The following ADCY3 variants were observed in gnomAD, a reference collection of about 807,000 sequenced individuals.
ADCY3 encodes adenylate cyclase 3.
In ADCY3, 70 loss-of-function variants were observed where a neutral mutation model predicts 119.4. The ratio of observed to expected loss-of-function variants is 0.59; its 90% CI spans 0.48 to 0.72. The LOEUF (loss-of-function observed/expected upper bound fraction) is 0.72, where lower values mean the gene tolerates loss of function less well. Among genes scored for constraint, ADCY3 ranks in the 30% least tolerant of loss-of-function variants. The pLI, the probability that ADCY3 is intolerant of heterozygous loss-of-function variation, is 0.00. For synonymous variants in ADCY3, 672 were observed against 621.4 expected (o/e 1.08, Z -1.21); for missense variants, 1,238 against 1,541.6 (o/e 0.80, Z 3.30).
Position 24,918,164 on chromosome 2 carries a change from A to T in ADCY3, c.675+149T>A. On this transcript the variant is annotated intron_variant, in intron 2 of 21. Transcript: ENST00000679454. The surrounding 1 kb of genome is among the most constrained non-coding windows in gnomAD (Gnocchi z 5.4). ...TCCGGGTAATGGCACAGGGGTGAAAAGGCAGGGACTAGGGAGAGAGGTGAG... is the reference window on the plus strand; with the variant it reads ...TCCGGGTAATGGCACAGGGGTGAAATGGCAGGGACTAGGGAGAGAGGTGAG... 1 of 845,128 alleles carries T rather than the reference A, an allele frequency of 1.2e-6. No homozygotes were observed. Among genetic ancestry groups the T allele is most frequent in the Non-Finnish European group, 1.8e-6 (1 of 553,146 alleles). 52.4% of individuals were successfully genotyped at this position (845,128 alleles called of 1,614,324 possible).
intron 2 of ADCY3, among the ~76,000 whole-genome samples, chr2:24,887,413 C>T (rs930888852): frequency 3.3e-5 from 5 of 152,312 alleles, no homozygotes; most frequent in Admixed American, 6.5e-5. Context: ...GCGAGCTCCA[C>T]GGCTCCTTTC....
rs1668299072 is a variant in ADCY3, at chr2:24,824,393, G to A, written c.2721C>T (p.Ser907=). ...CACCCCTCACCTCATCTCTCTTCTT[G>A]GACCCCAGGAAATGGCGTGCCACGT... ...PEHVARHFLG[S]KKRDEELYSQ... The change falls in exon 17 of 22, where the codon TCC becomes TCT. Residue 907 remains serine, a synonymous_variant. Transcript: ENST00000679454. The A allele has an allele frequency of 6.2e-7, 1 of 1,614,142 alleles. No homozygotes were observed. Among genetic ancestry groups the A allele is most frequent in the Non-Finnish European group, 8.5e-7 (1 of 1,179,998 alleles).
chr2:24,892,517 C>A (rs1362522009), intron 2 of ADCY3, among the ~76,000 whole-genome samples: 3 of 152,202 alleles, frequency 2.0e-5, no homozygotes, highest in South Asian at 4.1e-4. Flanking sequence ...TCCCAAAGTG[C>A]TGGGATTATA....
chr2:24,822,016 A>G (rs1667806355), intron 19 of ADCY3: 2 of 226,270 alleles, frequency 8.8e-6, no homozygotes. Context: ...GTGTTTCTTT[A>G]ACCTCATCCA....
chr2:24,911,657 A>AAC (rs1553367741), intron 2 of ADCY3, among the ~76,000 whole-genome samples: 6 of 138,152 alleles, frequency 4.3e-5, no homozygotes, highest in African/African-American at 1.1e-4. Flanking sequence ...AAAAAAAAAA[A>AAC]ACACACACAC....
At chr2:24,849,082 C>T (rs1026027429) in intron 3 of ADCY3, among the ~76,000 whole-genome samples, 5 of 152,318 alleles carry the variant, frequency 3.3e-5, no homozygotes, top group African/African-American at 9.6e-5. Context: ...GGTTTAAGAA[C>T]GTCACAGCAC....
intron 16 of ADCY3, among the ~76,000 whole-genome samples, chr2:24,825,038 G>A (rs1050826066): frequency 2.0e-5 from 3 of 152,172 alleles, no homozygotes; most frequent in South Asian, 2.1e-4. Context: ...CCCAGCCTCC[G>A]TAATTACAGC....
chr2:24,821,509 G>T lies in ADCY3; in HGVS notation c.3127+8C>A, dbSNP rs762780810. On this transcript the variant is annotated splice_region_variant and intron_variant, in intron 20 of 21. Transcript: ENST00000679454. ...CTGCTGCGGGGCAGGCCAGCTGGGG[G>T]TGCTCACCTATGCGCAGCATGAAGT... is the stretch of plus-strand genomic sequence containing the variant. 1.9e-6 allele frequency: 3 copies of T among 1,613,760 alleles called. No homozygotes were observed. Among genetic ancestry groups the T allele is most frequent in the Non-Finnish European group, 2.5e-6 (3 of 1,179,844 alleles).
At chr2:24,857,156 G>T (rs949347886) in intron 3 of ADCY3, among the ~76,000 whole-genome samples, 8 of 152,216 alleles carry the variant, frequency 5.3e-5, no homozygotes, top group Admixed American at 2.0e-4. Context: ...AGCAGGAGAG[G>T]GGACACCGAA....
chr2:24,917,821 G>A (rs894932575), intron 2 of ADCY3, among the ~76,000 whole-genome samples: 2 of 152,152 alleles, frequency 1.3e-5, no homozygotes, highest in Non-Finnish European at 2.9e-5. Context: ...ATCCTAATGC[G>A]CTTTCCCCCA....
At position 24,919,027 on chromosome 2, in the gene ADCY3, G is replaced by A. The variant is rs1320325971; in HGVS notation, c.-40C>T. ...GCTACTGGCCCTAGAGAAGTGGACTGGGAACGGAGGAAGAGCTCTGGACTG... is the reference window on the plus strand; with the variant it reads ...GCTACTGGCCCTAGAGAAGTGGACTAGGAACGGAGGAAGAGCTCTGGACTG... On this transcript the variant is annotated 5_prime_UTR_variant, in exon 2 of 22. Transcript: ENST00000679454. The surrounding 1 kb of genome is among the most constrained non-coding windows in gnomAD (Gnocchi z 5.5). 1.3e-6 allele frequency: 2 copies of A among 1,503,024 alleles called. No individual in the cohort carries two copies. The highest frequency in any genetic ancestry group is 1.4e-5 in the African/African-American group (1 of 72,346). The allele number at this position is 1,503,024 out of a possible 1,614,324, so 93.1% of individuals were successfully genotyped here.
In ADCY3 at chr2:24,841,396, G is replaced by T; in HGVS notation, c.1069-10C>A. Reference sequence around the variant, plus strand: ...GCAGCTGGTGGTATTTCTGAAAGGGGAGGGCCTGGCCTGTGCTCCAGCCCC... The same window carrying T: ...GCAGCTGGTGGTATTTCTGAAAGGGTAGGGCCTGGCCTGTGCTCCAGCCCC... On this transcript the variant is annotated splice_polypyrimidine_tract_variant and intron_variant, in intron 5 of 21. Transcript: ENST00000679454. This position sits in a 1 kb window ranked among gnomAD's most constrained non-coding sequence, Gnocchi z 5.8. 1.9e-6 allele frequency: 3 copies of T among 1,610,788 alleles called. No homozygotes were observed. The highest frequency in any genetic ancestry group is 8.5e-7 in the Non-Finnish European group (1 of 1,178,798).
At chr2:24,826,920 T>C (rs1428063110) in intron 15 of ADCY3, among the ~76,000 whole-genome samples, 3 of 152,330 alleles carry the variant, frequency 2.0e-5, no homozygotes, top group Non-Finnish European at 4.4e-5. Flanking sequence ...GTACTTGATA[T>C]TGTCAGAGTT....
chr2:24,892,998 C>A (rs979198915), intron 2 of ADCY3, among the ~76,000 whole-genome samples: 1 of 142,360 alleles, frequency 7.0e-6, no homozygotes, highest in African/African-American at 2.6e-5. Context: ...CACAAAATGT[C>A]TTTTTCTATC....
intron 2 of ADCY3, among the ~76,000 whole-genome samples, chr2:24,889,227 C>T (rs1443407218): frequency 6.6e-6 from 1 of 152,192 alleles, no homozygotes; most frequent in Non-Finnish European, 1.5e-5. Context: ...GTTCATGTTT[C>T]TGAGAATGTC....
At chr2:24,873,857 C>T (rs909319837) in intron 2 of ADCY3, among the ~76,000 whole-genome samples, 6 of 152,204 alleles carry the variant, frequency 3.9e-5, no homozygotes, top group Non-Finnish European at 5.9e-5. Flanking sequence ...TGTGGTTTCT[C>T]GGAACCGAGT....
chr2:24,827,856 C>A, intron 14 of ADCY3, 46 bp downstream of exon 14: 1 of 1,606,234 alleles, frequency 6.2e-7, no homozygotes, highest in Non-Finnish European at 8.5e-7. Context: ...ACTTTGCGGG[C>A]GGGAGGAAGG....
intron 17 of ADCY3, 56 bp from the exon 18 acceptor site, chr2:24,823,411 G>A (rs1450543445): frequency 1.3e-6 from 2 of 1,573,698 alleles, no homozygotes; most frequent in African/African-American, 1.4e-5. Context: ...TGGATGATGT[G>A]TTGGAGAAAT....
intron 3 of ADCY3, among the ~76,000 whole-genome samples, chr2:24,860,057 T>C (rs11687089): frequency 0.5 from 76,442 of 152,104 alleles, 21,480 homozygotes; most frequent in African/African-American, 0.77. Flanking sequence ...GAAGGAAGCA[T>C]AGGCCTGCCC....
Sources: gnomAD v4.1 joint callset for allele counts (sites outside exome capture counted in the v4.1 genomes callset) on GRCh38, gnomAD v4.1.1 for gene constraint, Gnocchi (gnomAD v3.1) non-coding constraint, MANE v1.5 for transcripts, NCBI Gene and HGNC (gene_info 2026-07-23, HGNC 2026-07-21) for gene names.